Variants in DIAPH2 observed in about 807,000 individuals in gnomAD.
DIAPH2 encodes the protein protein diaphanous homolog 2.
In DIAPH2, 35 loss-of-function variants were observed where a neutral mutation model predicts 92.7. The ratio of observed to expected loss-of-function variants is 0.38; its 90% CI spans 0.29 to 0.50. The LOEUF is 0.50. Among genes scored for constraint, DIAPH2 ranks in the 20% least tolerant of loss-of-function variants. The pLI is 0.94. For synonymous variants in DIAPH2, 301 were observed against 280.4 expected, an observed-to-expected ratio of 1.07 and a Z score of -0.73; for missense variants, 701 against 819.5, an observed-to-expected ratio of 0.86 and a Z score of 1.77.
intron 26 of DIAPH2, among the ~76,000 whole-genome samples, chrX:97,436,748 C>T (rs1569397053): frequency 9.0e-6 from 1 of 111,187 alleles, no homozygotes; most frequent in Non-Finnish European, 1.9e-5. Context: ...GGGGGCATTT[C>T]ACAGAAACAA....
At chrX:97,588,097 G>T (rs1332826907) in intron 26 of DIAPH2, among the ~76,000 whole-genome samples, 2 of 111,708 alleles carry the variant, frequency 1.8e-5, no homozygotes, top group African/African-American at 6.5e-5. Context: ...AGATTAGTAT[G>T]GGCCAGGTAC....
chrX:97,185,287 C>A (rs1178339164), intron 22 of DIAPH2, among the ~76,000 whole-genome samples: 1 of 48,437 alleles, frequency 2.1e-5, no homozygotes, highest in Non-Finnish European at 3.3e-5. Context: ...AGAGTGAGAC[C>A]CTGTCTCAAA....
chrX:96,802,529 G>A (rs1346543723), intron 4 of DIAPH2, among the ~76,000 whole-genome samples: 1 of 111,597 alleles, frequency 9.0e-6, no homozygotes, highest in Non-Finnish European at 1.9e-5. Context: ...TGTGTTTTTG[G>A]TATGAATGCC....
chrX:97,027,006 G>A (rs888806507), intron 17 of DIAPH2, among the ~76,000 whole-genome samples: 4 of 111,209 alleles, frequency 3.6e-5, no homozygotes, highest in African/African-American at 1.3e-4. Flanking sequence ...AATTTATTTT[G>A]TACACATCTG....
rs749722201 is a variant in DIAPH2, at chrX:97,063,935, TCTGG to T, written c.2051-9002_2051-8999del. 2.7e-5 allele frequency among the ~76,000 whole-genome samples: 3 copies of T among 112,386 alleles called. No individual in the cohort carries two copies. In the East Asian group the frequency reaches 8.4e-4, roughly 32 times the overall value. On this transcript the variant is annotated intron_variant, in intron 17 of 26. Transcript: ENST00000324765. ...CATCCTTATTTGTTTACTTAGTGTT[TCTGG>T]CTGCCTTCACAATACAATAGCAGAG...
At chrX:96,817,987 T>C (rs1400387914) in intron 4 of DIAPH2, among the ~76,000 whole-genome samples, 8 of 92,722 alleles carry the variant, frequency 8.6e-5, no homozygotes, top group Non-Finnish European at 1.7e-4. Context: ...TTTTTTTTTT[T>C]TTTGCTTTTT....
At chrX:96,868,600 C>T (rs2065119534) in intron 4 of DIAPH2, among the ~76,000 whole-genome samples, 1 of 111,615 alleles carries the variant, frequency 9.0e-6, no homozygotes, top group Non-Finnish European at 1.9e-5. Context: ...AGTCCTTTAA[C>T]CTTCAAACTC....
intron 17 of DIAPH2, among the ~76,000 whole-genome samples, chrX:96,988,371 A>C (rs1041692180): frequency 6.3e-5 from 7 of 110,542 alleles, no homozygotes; most frequent in African/African-American, 2.0e-4. Context: ...AAATTTGAAA[A>C]ACATACCCTC....
intron 21 of DIAPH2, among the ~76,000 whole-genome samples, chrX:97,138,586 A>G (rs933502968): frequency 4.5e-5 from 5 of 111,975 alleles, no homozygotes; most frequent in African/African-American, 1.6e-4. Flanking sequence ...TGATCAGTTA[A>G]TACAGTGACT....
chrX:96,913,722 A>T (rs1359610298), intron 7 of DIAPH2, among the ~76,000 whole-genome samples: 1 of 111,095 alleles, frequency 9.0e-6, no homozygotes, highest in Non-Finnish European at 1.9e-5. Flanking sequence ...GCAAGTTTAC[A>T]TACATATAAG....
intron 17 of DIAPH2, among the ~76,000 whole-genome samples, chrX:97,046,752 A>G (rs772444044): frequency 8.0e-5 from 9 of 111,959 alleles, no homozygotes; most frequent in Non-Finnish European, 1.5e-4. Context: ...GGACCATGGA[A>G]TTTAAACTAG....
At chrX:97,489,619 A>G (rs2070711840) in intron 26 of DIAPH2, among the ~76,000 whole-genome samples, 1 of 110,778 alleles carries the variant, frequency 9.0e-6, no homozygotes, top group Admixed American at 9.6e-5. Context: ...TTGTATGTCT[A>G]ATTTATTGAT....
intron 4 of DIAPH2, among the ~76,000 whole-genome samples, chrX:96,862,164 C>T (rs954266325): frequency 3.6e-5 from 4 of 111,658 alleles, no homozygotes; most frequent in Non-Finnish European, 7.5e-5. Flanking sequence ...ACTACCATAT[C>T]CGTAGAGTTA....
intron 17 of DIAPH2, among the ~76,000 whole-genome samples, chrX:97,043,844 C>T (rs1193977142): frequency 8.9e-6 from 1 of 112,079 alleles, no homozygotes; most frequent in Non-Finnish European, 1.9e-5. Context: ...ATACAACTTG[C>T]TGACTTGATA....
At chrX:97,567,125 G>A (rs764487219) in intron 26 of DIAPH2, among the ~76,000 whole-genome samples, 4 of 111,963 alleles carry the variant, frequency 3.6e-5, no homozygotes, top group Admixed American at 9.5e-5. Context: ...CATTGTTTGT[G>A]ATGTTGCAAC....
intron 26 of DIAPH2, among the ~76,000 whole-genome samples, chrX:97,577,896 C>G (rs1195526258): frequency 9.0e-6 from 1 of 111,424 alleles, no homozygotes; most frequent in Non-Finnish European, 1.9e-5. Context: ...AATCTGTTCA[C>G]TTTTATCTTC....
At chrX:97,551,579 A>G (rs2071219637) in intron 26 of DIAPH2, among the ~76,000 whole-genome samples, 1 of 108,926 alleles carries the variant, frequency 9.2e-6, no homozygotes, top group African/African-American at 3.3e-5. Flanking sequence ...GGCAACAAGA[A>G]CGAGACTCCG....
At chrX:96,943,095 T>A (rs757973240) in intron 13 of DIAPH2, among the ~76,000 whole-genome samples, 4 of 110,887 alleles carry the variant, frequency 3.6e-5, no homozygotes, top group Non-Finnish European at 7.6e-5. Context: ...GTACATTTCC[T>A]TATATCTCTT....
intron 22 of DIAPH2, among the ~76,000 whole-genome samples, chrX:97,197,505 A>C (rs981212947): frequency 1.8e-5 from 2 of 112,533 alleles, no homozygotes; most frequent in Non-Finnish European, 3.8e-5. Flanking sequence ...TATAAGGTAG[A>C]GTGTAAGTTA....
Sources: gnomAD v4.1 joint callset for allele counts (sites outside exome capture counted in the v4.1 genomes callset) on GRCh38, gnomAD v4.1.1 for gene constraint, MANE v1.5 for transcripts, NCBI Gene and HGNC (gene_info 2026-07-23, HGNC 2026-07-21) for gene names.